ARB2A: variants seen among roughly 807,000 people sequenced by gnomAD.
The protein encoded by ARB2A is ARB2 cotranscriptional regulator A.
chr5:93,852,569 A>G, the ARB2A span, among the ~76,000 whole-genome samples: 2 of 152,084 alleles, frequency 1.3e-5, no homozygotes, highest in African/African-American at 4.8e-5. Context: ...GTTTTCTTCT[A>G]GGGTTTTTAT....
chr5:94,061,420 A>C, the ARB2A span, among the ~76,000 whole-genome samples: 1 of 152,184 alleles, frequency 6.6e-6, no homozygotes, highest in Non-Finnish European at 1.5e-5. Context: ...ATCCATCCTC[A>C]CTATTCTTGT....
At chr5:93,650,378 C>A in the ARB2A span, among the ~76,000 whole-genome samples, 25 of 152,040 alleles carry the variant, frequency 1.6e-4, no homozygotes, top group African/African-American at 6.0e-4. Context: ...AAGAAAAATT[C>A]ACTGGATGGA....
At chr5:93,676,384 T>C in the ARB2A span, among the ~76,000 whole-genome samples, 1 of 152,224 alleles carries the variant, frequency 6.6e-6, no homozygotes, top group East Asian at 1.9e-4. Flanking sequence ...TACAAACATA[T>C]ATTAGGGATT....
At chr5:93,897,370 T>G in the ARB2A span, among the ~76,000 whole-genome samples, 1 of 151,930 alleles carries the variant, frequency 6.6e-6, no homozygotes, top group East Asian at 1.9e-4. Context: ...AAAGTCCTCT[T>G]ATATAAGCAA....
At chr5:93,761,284 G>A in the ARB2A span, among the ~76,000 whole-genome samples, 14 of 152,214 alleles carry the variant, frequency 9.2e-5, no homozygotes, top group South Asian at 2.7e-3. Flanking sequence ...AAGCACAAGG[G>A]GTCAGGGAAT....
the ARB2A span, among the ~76,000 whole-genome samples, chr5:93,893,350 C>T: frequency 6.6e-6 from 1 of 152,044 alleles, no homozygotes; most frequent in Non-Finnish European, 1.5e-5. Context: ...TTGCCCCCTA[C>T]CCTCCCCCAA....
chr5:93,724,461 A>C, the ARB2A span, among the ~76,000 whole-genome samples: 15 of 152,186 alleles, frequency 9.9e-5, no homozygotes, highest in South Asian at 2.5e-3. Context: ...TCATTTCAAA[A>C]GAAAAACATT....
At chr5:93,947,481 T>G in the ARB2A span, among the ~76,000 whole-genome samples, 1 of 150,222 alleles carries the variant, frequency 6.7e-6, no homozygotes, top group Non-Finnish European at 1.5e-5. Flanking sequence ...TGAGGTGCAG[T>G]CACACAATCT....
At chr5:94,053,922 C>A in the ARB2A span, among the ~76,000 whole-genome samples, 1 of 152,118 alleles carries the variant, frequency 6.6e-6, no homozygotes, top group Non-Finnish European at 1.5e-5. Flanking sequence ...GCGGGTGCCC[C>A]CATGCCAGGT....
At chr5:94,065,425 G>C in the ARB2A span, among the ~76,000 whole-genome samples, 1 of 152,064 alleles carries the variant, frequency 6.6e-6, no homozygotes, top group East Asian at 1.9e-4. Flanking sequence ...GAGGTGGGAG[G>C]ATCGCTTGAG....
chr5:94,045,822 G>A, the ARB2A span, among the ~76,000 whole-genome samples: 1 of 152,126 alleles, frequency 6.6e-6, no homozygotes, highest in Admixed American at 6.5e-5. Context: ...TACTAACATT[G>A]CTTTCTTTTT....
At chr5:93,947,515 TTATTA>T in the ARB2A span, among the ~76,000 whole-genome samples, 1 of 151,472 alleles carries the variant, frequency 6.6e-6, no homozygotes, top group Non-Finnish European at 1.5e-5. Flanking sequence ...CTTCTTTTTA[TTATTA>T]TTATTATTAT....
At chr5:93,868,916 C>T in the ARB2A span, among the ~76,000 whole-genome samples, 3 of 152,146 alleles carry the variant, frequency 2.0e-5, no homozygotes, top group East Asian at 5.8e-4. Flanking sequence ...ACCAAGAAAA[C>T]TCCATTTATC....
the ARB2A span, among the ~76,000 whole-genome samples, chr5:94,093,413 GCTCT>G: frequency 6.6e-6 from 1 of 152,114 alleles, no homozygotes; most frequent in Non-Finnish European, 1.5e-5. Flanking sequence ...TCTGGTGAAG[GCTCT>G]CTTTCTGCCT....
At chr5:93,654,445 T>G in the ARB2A span, among the ~76,000 whole-genome samples, 1 of 152,216 alleles carries the variant, frequency 6.6e-6, no homozygotes, top group African/African-American at 2.4e-5. Flanking sequence ...GTCCATGCTT[T>G]CTTTCTCAAC....
the ARB2A span, among the ~76,000 whole-genome samples, chr5:93,931,940 T>C: frequency 6.6e-6 from 1 of 152,212 alleles, no homozygotes; most frequent in African/African-American, 2.4e-5. Flanking sequence ...TTCATCCATA[T>C]TGTTGCATAT....
the ARB2A span, among the ~76,000 whole-genome samples, chr5:93,911,500 T>C: frequency 1.3e-5 from 2 of 151,680 alleles, no homozygotes; most frequent in African/African-American, 2.4e-5. Flanking sequence ...CACAGAATTA[T>C]TGAATTAAAG....
chr5:93,788,090 G>A, the ARB2A span, among the ~76,000 whole-genome samples: 1 of 151,996 alleles, frequency 6.6e-6, no homozygotes, highest in Non-Finnish European at 1.5e-5. Context: ...CTCCTAGTCT[G>A]GCAAAAGTTT....
At chr5:93,997,869 T>C in the ARB2A span, among the ~76,000 whole-genome samples, 1 of 151,946 alleles carries the variant, frequency 6.6e-6, no homozygotes, top group Non-Finnish European at 1.5e-5. Context: ...CATACTCATT[T>C]TGAATAAATT....
Sources: gnomAD v4.1 joint callset for allele counts (sites outside exome capture counted in the v4.1 genomes callset) on GRCh38, gnomAD v4.1.1 for gene constraint, MANE v1.5 for transcripts, NCBI Gene and HGNC (gene_info 2026-07-23, HGNC 2026-07-21) for gene names.